The following RAD51D variants were observed in gnomAD, a reference collection of about 807,000 sequenced individuals.
RAD51D encodes DNA repair protein RAD51 homolog 4.
In RAD51D, 38 loss-of-function variants were observed where a neutral mutation model predicts 44.1. That is an observed-to-expected ratio of 0.86 (90% CI 0.67 to 1.13). The LOEUF is 1.13. RAD51D is among the 50% of genes most tolerant of loss of function. RAD51D has a pLI of 0.00. For synonymous variants in RAD51D, 141 were observed against 166.6 expected (o/e 0.85, Z 1.18); for missense variants, 390 against 414.0 (o/e 0.94, Z 0.50).
intron 3 of RAD51D, 96 bp from the exon 4 acceptor site, chr17:35,107,543 T>C: frequency 9.9e-7 from 1 of 1,012,532 alleles, no homozygotes; most frequent in Non-Finnish European, 1.5e-6. Context: ...TTTCAAGCAC[T>C]GGTTCTGTCT....
intron 8 of RAD51D, 76 bp from the exon 9 acceptor site, chr17:35,101,441 G>A (rs768021375): frequency 8.3e-6 from 12 of 1,449,036 alleles, no homozygotes; most frequent in Non-Finnish European, 1.2e-5. Flanking sequence ...ATTTTACGGA[G>A]AGGAAAACAG....
intron 3 of RAD51D, among the ~76,000 whole-genome samples, chr17:35,109,701 CTT>C (rs955512444): frequency 1.3e-5 from 2 of 150,798 alleles, no homozygotes; most frequent in African/African-American, 4.9e-5. Context: ...GAGTTTCACT[CTT>C]GTTGCCCAGG....
At chr17:35,110,419 G>A (rs573661997) in intron 3 of RAD51D, among the ~76,000 whole-genome samples, 1 of 152,144 alleles carries the variant, frequency 6.6e-6, no homozygotes, top group South Asian at 2.1e-4. Context: ...CACAGCAAAA[G>A]TTTTAAATTT....
intron 2 of RAD51D, 29 bp downstream of exon 2, chr17:35,119,082 G>A (rs2142476877): frequency 6.2e-7 from 1 of 1,600,464 alleles, no homozygotes; most frequent in East Asian, 2.2e-5. Flanking sequence ...AAGACACTCA[G>A]GTTTGGAATG....
chr17:35,098,428 G>C lies in RAD51D; in HGVS notation c.*2525C>G, dbSNP rs1050483729. The C allele has an allele frequency of 2.8e-5, 4 of 142,148 alleles. No homozygotes were observed. The highest frequency in any genetic ancestry group is 1.1e-4 in the African/African-American group (4 of 36,334). 8.8% of individuals were successfully genotyped at this position (142,148 alleles called of 1,614,324 possible). On this transcript the variant is annotated 3_prime_UTR_variant, in exon 10 of 10. Transcript: ENST00000345365. ...TTTTGCATTTTTTTTTTTTTTTTGAGACGGAGTCTCACTCTGTCGCTCAGG... is the reference window on the plus strand; with the variant it reads ...TTTTGCATTTTTTTTTTTTTTTTGACACGGAGTCTCACTCTGTCGCTCAGG...
In RAD51D at chr17:35,099,409, T is replaced by C. The variant is rs1351478307; in HGVS notation, c.*1544A>G. 2 of 182,394 alleles carry C rather than the reference T, an allele frequency of 1.1e-5. No homozygotes were observed. Among genetic ancestry groups the C allele is most frequent in the Non-Finnish European group, 1.2e-5 (1 of 84,416 alleles). The allele number at this position is 182,394 out of a possible 1,614,324, so 11.3% of individuals were successfully genotyped here. On this transcript the variant is annotated 3_prime_UTR_variant, in exon 10 of 10. Coordinates refer to ENST00000345365, the MANE Select transcript of RAD51D (RefSeq NM_002878.4). ...GAAGATGCCCAAATAGTACCTTGAG[T>C]GGCAAGAATTTGCAATTTCCAGCTT...
intron 3 of RAD51D, among the ~76,000 whole-genome samples, chr17:35,114,998 A>G (rs2091719853): frequency 6.6e-6 from 1 of 152,144 alleles, no homozygotes; most frequent in Admixed American, 6.5e-5. Flanking sequence ...CAGTCTGTAT[A>G]AGGTATTCCC....
At chr17:35,119,358 GT>G in intron 1 of RAD51D, 173 bp downstream of exon 1, 2 of 924,646 alleles carry the variant, frequency 2.2e-6, no homozygotes, top group Non-Finnish European at 3.4e-6. Flanking sequence ...TCTCTACCCT[GT>G]TTTAGAGCTT....
Position 35,103,419 on chromosome 17 carries a change from A to G in RAD51D, c.667+35T>C, listed in dbSNP as rs749559807. On this transcript the variant is annotated intron_variant, in intron 7 of 9. Transcript: ENST00000345365. This position sits in a 1 kb window ranked among gnomAD's most constrained non-coding sequence, Gnocchi z 4.1. ...CTCCAGAGCTGGGAGGCGAGGTCAC[A>G]TTCCACTGGCCCCAGGCTCTGCCAC... The G allele has an allele frequency of 6.2e-7, 1 of 1,611,634 alleles. No homozygotes were observed. The highest frequency in any genetic ancestry group is 1.1e-5 in the South Asian group (1 of 91,040).
At chr17:35,118,391 A>C in intron 3 of RAD51D, 110 bp downstream of exon 3, 3 of 876,380 alleles carry the variant, frequency 3.4e-6, no homozygotes, top group Non-Finnish European at 3.8e-6. Flanking sequence ...CCCATCCATT[A>C]TTGGTTAAAA....
chr17:35,112,101 G>A (rs567842989), intron 3 of RAD51D, among the ~76,000 whole-genome samples: 27 of 152,126 alleles, frequency 1.8e-4, no homozygotes, highest in South Asian at 6.2e-4. Context: ...TTTTTGAGAC[G>A]GAGTCTCGCT....
At chr17:35,106,858 C>T (rs544301949) in intron 5 of RAD51D, 130 bp downstream of exon 5, 25 of 1,367,182 alleles carry the variant, frequency 1.8e-5, no homozygotes, top group South Asian at 3.6e-5. Flanking sequence ...TTAAGGAATA[C>T]GAGATGTATT....
rs1450795395 is a variant in RAD51D, at chr17:35,092,863, A to C, written c.*8090T>G. 1 of 152,174 alleles carries C rather than the reference A, an allele frequency of 6.6e-6. No homozygotes were observed. The highest frequency in any genetic ancestry group is 1.9e-4 in the East Asian group (1 of 5,196). The allele number at this position is 152,174 out of a possible 1,614,324, so 9.4% of individuals were successfully genotyped here. Reference sequence around the variant, plus strand: ...TACTCCCTAAGAAATCAATGGAAGGATGTTTCCCAAAGAGAAGGGCCAGTA... The same window carrying C: ...TACTCCCTAAGAAATCAATGGAAGGCTGTTTCCCAAAGAGAAGGGCCAGTA... On this transcript the variant is annotated 3_prime_UTR_variant, in exon 10 of 10. Coordinates refer to ENST00000345365, the MANE Select transcript of RAD51D (RefSeq NM_002878.4).
chr17:35,097,846 A>G lies in RAD51D; in HGVS notation c.*3107T>C, dbSNP rs2142403030. 1 of 152,464 alleles carries G rather than the reference A, an allele frequency of 6.6e-6. No individual in the cohort carries two copies. The highest frequency in any genetic ancestry group is 1.9e-4 in the East Asian group (1 of 5,184). The allele number at this position is 152,464 out of a possible 1,614,324, so 9.4% of individuals were successfully genotyped here. A position where few individuals can be genotyped will look rare whatever the true frequency, so the allele number is the denominator to read the frequency against. Reference sequence around the variant, plus strand: ...CATCTATCTAGATCACAGCTGAGGCATAAAAAAGGATGTCAGGGTGGGTGT... The same window carrying G: ...CATCTATCTAGATCACAGCTGAGGCGTAAAAAAGGATGTCAGGGTGGGTGT... On this transcript the variant is annotated 3_prime_UTR_variant, in exon 10 of 10. Transcript: ENST00000345365.
intron 3 of RAD51D, among the ~76,000 whole-genome samples, chr17:35,110,548 C>T (rs2091662147): frequency 6.6e-6 from 1 of 152,178 alleles, no homozygotes; most frequent in Non-Finnish European, 1.5e-5. Flanking sequence ...TTTGGTTTTA[C>T]ATTTAAGTCT....
In RAD51D at chr17:35,119,469, C is replaced by T. The variant is rs966837993; in HGVS notation, c.82+63G>A. On this transcript the variant is annotated intron_variant, in intron 1 of 9. Coordinates refer to ENST00000345365, the MANE Select transcript of RAD51D (RefSeq NM_002878.4). Reference sequence around the variant, plus strand: ...GGTATGCCAGGGCAGTGCGCCAGCCCTCGGGGCCTGCCCAGGTTGTGCGAG... The same window carrying T: ...GGTATGCCAGGGCAGTGCGCCAGCCTTCGGGGCCTGCCCAGGTTGTGCGAG... 66 of 1,573,624 alleles carry T rather than the reference C, an allele frequency of 4.2e-5. No homozygotes were observed. In the African/African-American group the frequency reaches 8.6e-4, roughly 21 times the overall value.
intron 6 of RAD51D, chr17:35,106,076 GTC>G: frequency 1.9e-6 from 1 of 522,430 alleles, no homozygotes; most frequent in South Asian, 1.5e-5. Context: ...CAAGCTTCAA[GTC>G]TCTGTCAGAC....
chr17:35,106,257 T>A, intron 6 of RAD51D, 129 bp downstream of exon 6: 1 of 799,820 alleles, frequency 1.3e-6, no homozygotes, highest in Non-Finnish European at 2.2e-6. Flanking sequence ...ATCCTGGGAG[T>A]AGCAAGCATA....
intron 3 of RAD51D, chr17:35,117,143 T>C: frequency 7.8e-7 from 1 of 1,279,684 alleles, no homozygotes; most frequent in Non-Finnish European, 1.1e-6. Flanking sequence ...TTGTATTCAC[T>C]TGATTTTCCC....
Sources: gnomAD v4.1 joint callset for allele counts (sites outside exome capture counted in the v4.1 genomes callset) on GRCh38, gnomAD v4.1.1 for gene constraint, Gnocchi (gnomAD v3.1) non-coding constraint, MANE v1.5 for transcripts, NCBI Gene and HGNC (gene_info 2026-07-23, HGNC 2026-07-21) for gene names.